NFIB: variants seen among roughly 807,000 people sequenced by gnomAD.
The protein encoded by NFIB is nuclear factor 1 B-type.
Under a neutral mutation model 61.5 loss-of-function variants are expected in NFIB, and 11 were observed. The ratio of observed to expected loss-of-function variants is 0.18; its 90% CI spans 0.11 to 0.30. The LOEUF (loss-of-function observed/expected upper bound fraction) is 0.30, where lower values mean the gene tolerates loss of function less well. Ranked by LOEUF, NFIB falls within the 10% of genes least tolerant of loss-of-function variation. NFIB has a pLI of 1.00. For synonymous variants in NFIB, 260 were observed against 216.5 expected (o/e 1.20, Z -1.76); for missense variants, 471 against 608.9 (o/e 0.77, Z 2.38).
At chr9:14,136,432 T>C (rs571232306) in intron 6 of NFIB, among the ~76,000 whole-genome samples, 5 of 152,134 alleles carry the variant, frequency 3.3e-5, no homozygotes, top group African/African-American at 1.2e-4. Context: ...CTGAGAGCCA[T>C]GGGCTATAAA....
chr9:14,370,353 T>TAACCCC (rs2061345396), intron 1 of NFIB, among the ~76,000 whole-genome samples: 1 of 152,246 alleles, frequency 6.6e-6, no homozygotes, highest in Non-Finnish European at 1.5e-5. Flanking sequence ...TTCATTGATG[T>TAACCCC]AACCCCAACC....
chr9:14,180,588 C>T (rs933420212), intron 2 of NFIB: 8 of 152,206 alleles, frequency 5.3e-5, no homozygotes, highest in African/African-American at 1.4e-4. Context: ...TTGTGTTTTG[C>T]TCACTCCTCT....
intron 1 of NFIB, among the ~76,000 whole-genome samples, chr9:14,346,612 T>G (rs56889582): frequency 0.053 from 8,108 of 152,232 alleles, 423 homozygotes; most frequent in African/African-American, 0.13. Flanking sequence ...ACGTTCCCGT[T>G]GGCTTGCTGG....
the NFIB span, among the ~76,000 whole-genome samples, chr9:14,524,303 A>G: frequency 6.6e-6 from 1 of 152,174 alleles, no homozygotes; most frequent in Non-Finnish European, 1.5e-5. Context: ...TACCTATAGC[A>G]TAGAAACGTA....
chr9:14,294,658 T>C (rs1203846812), intron 2 of NFIB, among the ~76,000 whole-genome samples: 1 of 152,244 alleles, frequency 6.6e-6, no homozygotes, highest in African/African-American at 2.4e-5. Context: ...ATCAATGTAC[T>C]GATCCTGCTT....
chr9:14,472,429 T>C, the NFIB span, among the ~76,000 whole-genome samples: 8 of 152,338 alleles, frequency 5.3e-5, no homozygotes, highest in East Asian at 1.9e-4. Flanking sequence ...ATTAAGGCAA[T>C]TGTACAGTGA....
chr9:14,251,998 T>C (rs1347225261), intron 2 of NFIB, among the ~76,000 whole-genome samples: 1 of 152,228 alleles, frequency 6.6e-6, no homozygotes, highest in Non-Finnish European at 1.5e-5. Flanking sequence ...AAGACATTAA[T>C]TAATTTTTAC....
At chr9:14,136,635 T>C (rs567311433) in intron 6 of NFIB, among the ~76,000 whole-genome samples, 1 of 152,288 alleles carries the variant, frequency 6.6e-6, no homozygotes, top group Admixed American at 6.5e-5. Context: ...CTGGTAATGG[T>C]TAGAGTTGAT....
the NFIB span, among the ~76,000 whole-genome samples, chr9:14,453,981 G>C: frequency 6.6e-6 from 1 of 152,098 alleles, no homozygotes; most frequent in Non-Finnish European, 1.5e-5. Flanking sequence ...AGGAGGCTGA[G>C]GCAGGAGAAT....
At chr9:14,459,940 C>T in the NFIB span, among the ~76,000 whole-genome samples, 8 of 151,950 alleles carry the variant, frequency 5.3e-5, no homozygotes, top group African/African-American at 1.9e-4. Flanking sequence ...CTAGTTCAAC[C>T]ATTGTGGAAG....
chr9:14,149,227 T>C lies in NFIB; in HGVS notation c.806+918A>G, dbSNP rs188926168. Reference sequence around the variant, plus strand: ...ACCGGAACTGATATAAAATTGATCTTAGTTTATAAACATACACATGCCCAG... The same window carrying C: ...ACCGGAACTGATATAAAATTGATCTCAGTTTATAAACATACACATGCCCAG... On this transcript the variant is annotated intron_variant, in intron 5 of 10. Transcript: ENST00000380953. Among the ~76,000 whole-genome samples, 332 of 152,326 alleles carry C rather than the reference T, an allele frequency of 2.2e-3. 3 individuals are homozygous for C. The highest frequency in any genetic ancestry group is 7.6e-3 in the African/African-American group (317 of 41,584).
chr9:14,322,177 A>T, intron 1 of NFIB: 1 of 1,161,534 alleles, frequency 8.6e-7, no homozygotes, highest in African/African-American at 1.6e-5. Context: ...CGAGAAGAAA[A>T]GGCGGTCAAA....
At chr9:14,463,408 A>T in the NFIB span, among the ~76,000 whole-genome samples, 1 of 151,728 alleles carries the variant, frequency 6.6e-6, no homozygotes, top group Non-Finnish European at 1.5e-5. Flanking sequence ...AAGCCAATAC[A>T]ATTTCAATGA....
the NFIB span, among the ~76,000 whole-genome samples, chr9:14,511,815 T>C: frequency 6.6e-6 from 1 of 152,234 alleles, no homozygotes; most frequent in Non-Finnish European, 1.5e-5. Context: ...TATAATATGT[T>C]TTGATAAGTC....
chr9:14,330,759 G>A (rs2060810863), intron 1 of NFIB, among the ~76,000 whole-genome samples: 3 of 152,104 alleles, frequency 2.0e-5, no homozygotes, highest in Non-Finnish European at 4.4e-5. Context: ...GAATAATTGA[G>A]AAGCTCGTAC....
At chr9:14,443,074 G>A in the NFIB span, among the ~76,000 whole-genome samples, 3 of 129,012 alleles carry the variant, frequency 2.3e-5, no homozygotes, top group African/African-American at 6.2e-5. Flanking sequence ...ATGTGGTGTT[G>A]CTTCTGTCCT....
intron 3 of NFIB, among the ~76,000 whole-genome samples, chr9:14,174,208 C>T (rs1338621515): frequency 6.6e-6 from 1 of 152,062 alleles, no homozygotes; most frequent in African/African-American, 2.4e-5. Context: ...AGCACTGACC[C>T]ATACAGACCT....
chr9:14,234,664 C>CT lies in NFIB; in HGVS notation c.563-54885dup, dbSNP rs1320855051. The stretch of plus-strand genomic sequence containing the variant: ...GGTGTGAGCCACTGCACTTGGTCTA[C>CT]TCTTTTTTTTAACATTTTGTTAGTT... On this transcript the variant is annotated intron_variant, in intron 2 of 10. Transcript: ENST00000380953. 1.2e-4 allele frequency among the ~76,000 whole-genome samples: 12 copies of CT among 98,388 alleles called. No individual in the cohort carries two copies. In the Admixed American group the frequency reaches 1.4e-3, roughly 11 times the overall value. The allele number at this position is 98,388 out of a possible 152,430, so 64.5% of individuals were successfully genotyped here. A position where few individuals can be genotyped will look rare whatever the true frequency, so the allele number is the denominator to read the frequency against.
chr9:14,109,193 G>T (rs879894969), intron 10 of NFIB, among the ~76,000 whole-genome samples: 7 of 151,980 alleles, frequency 4.6e-5, no homozygotes, highest in Non-Finnish European at 8.8e-5. Flanking sequence ...TGCTAAAATT[G>T]TTAGACTGAA....
Sources: gnomAD v4.1 joint callset for allele counts (sites outside exome capture counted in the v4.1 genomes callset) on GRCh38, gnomAD v4.1.1 for gene constraint, MANE v1.5 for transcripts, NCBI Gene and HGNC (gene_info 2026-07-23, HGNC 2026-07-21) for gene names.